Variants in PTPN2 observed in about 807,000 individuals in gnomAD.
The protein encoded by PTPN2 is tyrosine-protein phosphatase non-receptor type 2.
A neutral mutation model predicts 57.3 loss-of-function variants in PTPN2; 19 were observed. The ratio of observed to expected loss-of-function variants is 0.33; its 90% CI spans 0.23 to 0.49. The LOEUF is 0.49. Among genes scored for constraint, PTPN2 ranks in the 20% least tolerant of loss-of-function variants. The pLI is 0.99. For missense variants in PTPN2, 358 were observed against 501.1 expected (o/e 0.71, Z 2.73); for synonymous variants, 153 against 164.9 (o/e 0.93, Z 0.55).
At chr18:12,798,010 G>C (rs1399259154) in intron 8 of PTPN2, among the ~76,000 whole-genome samples, 1 of 152,160 alleles carries the variant, frequency 6.6e-6, no homozygotes, top group East Asian at 1.9e-4. Context: ...ACAGGCATGA[G>C]CCACTCTGCC....
intron 2 of PTPN2, among the ~76,000 whole-genome samples, chr18:12,838,501 A>G (rs1049569141): frequency 6.6e-6 from 1 of 152,222 alleles, no homozygotes; most frequent in African/African-American, 2.4e-5. Flanking sequence ...TGTTACCTCA[A>G]TGCTCTATAA....
At chr18:12,860,089 A>T (rs1241538531) in intron 1 of PTPN2, among the ~76,000 whole-genome samples, 1 of 151,670 alleles carries the variant, frequency 6.6e-6, no homozygotes, top group Non-Finnish European at 1.5e-5. Context: ...GGAGTTTGAG[A>T]CCAACCTGGC....
At chr18:12,869,451 G>A (rs2044110143) in intron 1 of PTPN2, among the ~76,000 whole-genome samples, 1 of 152,238 alleles carries the variant, frequency 6.6e-6, no homozygotes, top group Non-Finnish European at 1.5e-5. Flanking sequence ...GTGAGCCATG[G>A]CGCCTGGTTT....
rs1328008374 is a variant in PTPN2 at position 12,825,801 on chromosome 18, A to G, written c.495+9T>C. The G allele has an allele frequency of 6.3e-7, 1 of 1,595,204 alleles. No individual in the cohort carries two copies. The highest frequency in any genetic ancestry group is 8.5e-7 in the Non-Finnish European group (1 of 1,171,992). ...TAAAGTCCACAATTTCGGGCAAGAA[A>G]GGTCTTACATTGATATTTTCTAATT... On this transcript the variant is annotated intron_variant, in intron 5 of 8. Transcript: ENST00000309660.
intron 1 of PTPN2, chr18:12,862,168 T>C (rs1468620712): frequency 2.0e-5 from 3 of 151,932 alleles, no homozygotes; most frequent in Non-Finnish European, 4.4e-5. Flanking sequence ...TTTTTTTTTT[T>C]TGTTTTTTGA....
At chr18:12,838,376 T>C (rs992916691) in intron 2 of PTPN2, among the ~76,000 whole-genome samples, 3 of 152,300 alleles carry the variant, frequency 2.0e-5, no homozygotes, top group East Asian at 3.9e-4. Flanking sequence ...TGCCCAGCTA[T>C]GCAGGAAGTA....
At chr18:12,791,614 A>C (rs1568070951), downstream of PTPN2, among the ~76,000 whole-genome samples, 1 of 152,144 alleles carries the variant, frequency 6.6e-6, no homozygotes, top group Non-Finnish European at 1.5e-5. Context: ...CCACCAAAAA[A>C]TATTATTACT....
At chr18:12,857,562 A>G (rs2043636766) in intron 2 of PTPN2, among the ~76,000 whole-genome samples, 1 of 152,242 alleles carries the variant, frequency 6.6e-6, no homozygotes, top group Non-Finnish European at 1.5e-5. Context: ...CAAGGTGTAC[A>G]ACTGGAAAAT....
At chr18:12,796,506 C>A (rs1302012748) in intron 8 of PTPN2, among the ~76,000 whole-genome samples, 1 of 152,136 alleles carries the variant, frequency 6.6e-6, no homozygotes, top group Non-Finnish European at 1.5e-5. Flanking sequence ...GTACTGGAAC[C>A]TTCTCTCCCC....
rs754450055 is a variant in PTPN2 at position 12,884,166 on chromosome 18, G to C, written c.-25C>G. On this transcript the variant is annotated 5_prime_UTR_variant, in exon 1 of 9. Transcript: ENST00000309660. Reference sequence around the variant, plus strand: ...TGGCTGCGGGAGCGAGCTGGCGCGAGCAGAGCCTGCGCCGGCGGAGAGGCT... The same window carrying C: ...TGGCTGCGGGAGCGAGCTGGCGCGACCAGAGCCTGCGCCGGCGGAGAGGCT... 259 of 1,562,198 alleles carry C rather than the reference G, an allele frequency of 1.7e-4. No homozygotes were observed. Among genetic ancestry groups the C allele is most frequent in the Non-Finnish European group, 2.2e-4 (255 of 1,155,940 alleles).
chr18:12,883,965 CGA>C (rs2044764905), intron 1 of PTPN2, 106 bp downstream of exon 1: 2 of 983,504 alleles, frequency 2.0e-6, no homozygotes, highest in South Asian at 3.4e-5. Context: ...CCGCCCCGAG[CGA>C]GAGGCTAGAG....
intron 1 of PTPN2, among the ~76,000 whole-genome samples, chr18:12,869,982 T>C (rs2044131285): frequency 1.3e-5 from 2 of 152,040 alleles, no homozygotes; most frequent in Admixed American, 6.6e-5. Flanking sequence ...TAGCCCTTAA[T>C]ATGCCTGCCA....
At chr18:12,803,267 G>C (rs2041495720) in intron 7 of PTPN2, among the ~76,000 whole-genome samples, 1 of 151,876 alleles carries the variant, frequency 6.6e-6, no homozygotes, top group Non-Finnish European at 1.5e-5. Flanking sequence ...ATAAATCAAA[G>C]CTTATCACTA....
At chr18:12,845,923 G>A (rs2043190495) in intron 2 of PTPN2, among the ~76,000 whole-genome samples, 1 of 152,052 alleles carries the variant, frequency 6.6e-6, no homozygotes, top group Non-Finnish European at 1.5e-5. Context: ...TACTAACCCA[G>A]ACACCATTCA....
intron 2 of PTPN2, 45 bp from the exon 3 acceptor site, chr18:12,836,936 C>A: frequency 8.8e-7 from 1 of 1,137,816 alleles, no homozygotes. Flanking sequence ...TTCAAAATTA[C>A]TGTTTTTATC....
intron 2 of PTPN2, chr18:12,839,362 T>C (rs1018376562): frequency 6.6e-6 from 1 of 152,154 alleles, no homozygotes; most frequent in Admixed American, 6.6e-5. Context: ...AAACAAACTT[T>C]TGACTTCTGA....
chr18:12,883,987 G>A (rs766336050), intron 1 of PTPN2, 86 bp downstream of exon 1: 9 of 1,228,806 alleles, frequency 7.3e-6, no homozygotes, highest in Non-Finnish European at 6.8e-6. Context: ...GGCGAGAGGC[G>A]GGGGAGGCGG....
intron 6 of PTPN2, among the ~76,000 whole-genome samples, 162 bp downstream of exon 6, chr18:12,816,979 ATGAATAAGAGGCAGT>A (rs1248868211): frequency 6.6e-6 from 1 of 152,178 alleles, no homozygotes; most frequent in East Asian, 1.9e-4. Flanking sequence ...CCTACCAGTC[ATGAATAAGAGGCAGT>A]TGCAACGGTG....
chr18:12,853,475 G>A (rs1288878190), intron 2 of PTPN2, among the ~76,000 whole-genome samples: 3 of 152,144 alleles, frequency 2.0e-5, no homozygotes, highest in Non-Finnish European at 4.4e-5. Flanking sequence ...ATGACTATCA[G>A]TTGGAAAAGG....
Sources: gnomAD v4.1 joint callset for allele counts (sites outside exome capture counted in the v4.1 genomes callset) on GRCh38, gnomAD v4.1.1 for gene constraint, MANE v1.5 for transcripts, NCBI Gene and HGNC (gene_info 2026-07-23, HGNC 2026-07-21) for gene names.